IQGAP2: variants seen among roughly 807,000 people sequenced by gnomAD.
IQGAP2 encodes the protein IQ motif containing GTPase activating protein 2.
IQGAP2 carries 173 observed loss-of-function variants against 201.3 expected under a neutral mutation model. The ratio of observed to expected loss-of-function variants is 0.86; its 90% CI spans 0.76 to 0.98. The LOEUF is 0.98. Ranked by LOEUF, IQGAP2 falls within the 50% of genes least tolerant of loss-of-function variation. The pLI is 0.00. For missense variants in IQGAP2, 1,687 were observed against 1,864.8 expected (o/e 0.90, Z 1.76); for synonymous variants, 675 against 673.9 (o/e 1.00, Z -0.03).
At chr5:76,690,134 C>G (rs1325863110) in intron 30 of IQGAP2, among the ~76,000 whole-genome samples, 1 of 152,142 alleles carries the variant, frequency 6.6e-6, no homozygotes, top group African/African-American at 2.4e-5. Context: ...CGCCAGTACT[C>G]TAAGCAGTTG....
intron 5 of IQGAP2, 67 bp from the exon 6 acceptor site, chr5:76,588,839 A>C: frequency 1.8e-5 from 17 of 933,114 alleles, no homozygotes; most frequent in Non-Finnish European, 2.8e-5. Flanking sequence ...ATTAAGAATT[A>C]TGTAATTTAT....
chr5:76,527,947 T>C (rs1759062940), intron 2 of IQGAP2, among the ~76,000 whole-genome samples: 1 of 152,222 alleles, frequency 6.6e-6, no homozygotes, highest in South Asian at 2.1e-4. Flanking sequence ...GAAGAAAGAT[T>C]ACACTTACAG....
intron 17 of IQGAP2, among the ~76,000 whole-genome samples, chr5:76,650,993 G>C (rs1752476242): frequency 6.6e-6 from 1 of 152,080 alleles, no homozygotes. Context: ...TAGGTGAAAG[G>C]CTAAATAATT....
intron 1 of IQGAP2, among the ~76,000 whole-genome samples, chr5:76,460,094 C>T (rs1476039609): frequency 6.6e-6 from 1 of 152,174 alleles, no homozygotes; most frequent in East Asian, 1.9e-4. Context: ...TGATCAAAAG[C>T]TTCCTCTAAG....
In IQGAP2 at chr5:76,620,428, AC is replaced by A. The variant is rs141238064; in HGVS notation, c.1522-6981del. ...GGAAGCAATAATGACTCAGGTTTCT[AC>A]TCTAGATGACTTGGAGGGAGAGGAT... On this transcript the variant is annotated intron_variant, in intron 13 of 35. Coordinates refer to ENST00000274364, the MANE Select transcript of IQGAP2 (RefSeq NM_006633.5). 9.1e-3 allele frequency among the ~76,000 whole-genome samples: 1,392 copies of A among 152,154 alleles called. 17 individuals carry two copies. Among genetic ancestry groups the A allele is most frequent in the African/African-American group, 0.031 (1,282 of 41,498 alleles).
chr5:76,527,969 G>A (rs1474147279), intron 2 of IQGAP2, among the ~76,000 whole-genome samples: 1 of 152,162 alleles, frequency 6.6e-6, no homozygotes, highest in Non-Finnish European at 1.5e-5. Context: ...TGCACATGCT[G>A]ATGTCATGAC....
intron 17 of IQGAP2, 88 bp from the exon 18 acceptor site, chr5:76,652,662 C>A: frequency 2.2e-6 from 2 of 918,312 alleles, no homozygotes; most frequent in Non-Finnish European, 3.6e-6. Context: ...CAGCTCCATG[C>A]GGCCTGAGAT....
chr5:76,608,493 A>T (rs1459300055), intron 12 of IQGAP2, among the ~76,000 whole-genome samples: 2 of 152,192 alleles, frequency 1.3e-5, no homozygotes, highest in African/African-American at 4.8e-5. Context: ...CCAGGCAGGA[A>T]TTGCTCAGTA....
chr5:76,544,154 A>T (rs1041422912), intron 2 of IQGAP2, among the ~76,000 whole-genome samples: 1 of 152,146 alleles, frequency 6.6e-6, no homozygotes, highest in Admixed American at 6.5e-5. Context: ...TCCCATGGCC[A>T]TGGCACCCCA....
intron 1 of IQGAP2, among the ~76,000 whole-genome samples, chr5:76,443,033 G>A (rs11743541): frequency 0.38 from 57,745 of 151,980 alleles, 12,960 homozygotes; most frequent in East Asian, 0.53. Flanking sequence ...ATATGATACC[G>A]GAATAAAGAC....
At chr5:76,505,857 T>G (rs1270261165) in intron 2 of IQGAP2, among the ~76,000 whole-genome samples, 3 of 152,244 alleles carry the variant, frequency 2.0e-5, no homozygotes, top group Non-Finnish European at 4.4e-5. Flanking sequence ...CCACCTTTAT[T>G]CCTGTTCCTG....
intron 2 of IQGAP2, among the ~76,000 whole-genome samples, chr5:76,559,780 G>A (rs969999959): frequency 2.1e-4 from 32 of 152,268 alleles, no homozygotes; most frequent in African/African-American, 7.5e-4. Context: ...TTTCTCTGGG[G>A]ACTCGTTTTC....
intron 30 of IQGAP2, among the ~76,000 whole-genome samples, chr5:76,691,124 C>T (rs773032333): frequency 3.4e-4 from 51 of 152,210 alleles, no homozygotes; most frequent in Non-Finnish European, 6.5e-4. Flanking sequence ...GCACTAGACA[C>T]ACTGTAGTGG....
chr5:76,580,273 C>T (rs1375381941), intron 5 of IQGAP2, among the ~76,000 whole-genome samples: 1 of 143,398 alleles, frequency 7.0e-6, no homozygotes, highest in East Asian at 2.0e-4. Context: ...GAGACTCCAT[C>T]TCAATTAAAA....
intron 26 of IQGAP2, 79 bp downstream of exon 26, chr5:76,674,115 T>C: frequency 1.2e-6 from 1 of 800,014 alleles, no homozygotes; most frequent in East Asian, 2.4e-5. Context: ...CTTTGTAAGA[T>C]TATTCCCCAT....
chr5:76,417,799 C>G (rs530477787), intron 1 of IQGAP2, among the ~76,000 whole-genome samples: 2 of 151,138 alleles, frequency 1.3e-5, no homozygotes, highest in East Asian at 4.1e-4. Context: ...CCAGGCTGGT[C>G]TTGAACTCCT....
intron 11 of IQGAP2, among the ~76,000 whole-genome samples, chr5:76,603,991 T>G (rs769320257): frequency 6.6e-6 from 1 of 152,140 alleles, no homozygotes; most frequent in Non-Finnish European, 1.5e-5. Context: ...TTTTTTTTAT[T>G]ATTATACTTT....
Position 76,677,207 on chromosome 5 carries a change from C to T in IQGAP2, c.3528-11C>T. On this transcript the variant is annotated splice_polypyrimidine_tract_variant and intron_variant, in intron 27 of 35. Coordinates refer to ENST00000274364, the MANE Select transcript of IQGAP2 (RefSeq NM_006633.5). ...TTGAGTCTGTCTTAAGACTTTTCCC[C>T]CCTTTATTAGGAAATATTTCAAAGA... 1.2e-6 allele frequency: 2 copies of T among 1,610,964 alleles called. No homozygotes were observed. Among genetic ancestry groups the T allele is most frequent in the South Asian group, 2.2e-5 (2 of 90,512 alleles).
intron 30 of IQGAP2, among the ~76,000 whole-genome samples, chr5:76,685,910 C>A (rs1414615484): frequency 6.6e-6 from 1 of 152,164 alleles, no homozygotes; most frequent in Non-Finnish European, 1.5e-5. Context: ...AACCCTGTAC[C>A]CATTAAGTAG....
Sources: gnomAD v4.1 joint callset for allele counts (sites outside exome capture counted in the v4.1 genomes callset) on GRCh38, gnomAD v4.1.1 for gene constraint, MANE v1.5 for transcripts, NCBI Gene and HGNC (gene_info 2026-07-23, HGNC 2026-07-21) for gene names.